ERICH6B: variants seen among roughly 807,000 people sequenced by gnomAD.
The protein encoded by ERICH6B is glutamate rich 6B.
In ERICH6B, 69 loss-of-function variants were observed where a neutral mutation model predicts 80.0. That is an observed-to-expected ratio of 0.86 (90% confidence interval 0.71 to 1.05). The LOEUF (loss-of-function observed/expected upper bound fraction) is 1.05. Ranked by LOEUF, ERICH6B falls within the 50% of genes least tolerant of loss-of-function variation. ERICH6B has a pLI of 0.00. For missense variants in ERICH6B, 754 were observed against 796.1 expected (o/e 0.95, Z 0.64); for synonymous variants, 283 against 291.9 (o/e 0.97, Z 0.31).
intron 9 of ERICH6B, among the ~76,000 whole-genome samples, chr13:45,566,833 G>T (rs1198391439): frequency 6.6e-6 from 1 of 152,164 alleles, no homozygotes; most frequent in African/African-American, 2.4e-5. Flanking sequence ...TGAGAAGAGG[G>T]CCACCGTCCT....
chr13:45,584,595 A>G (rs1315091465), intron 5 of ERICH6B, among the ~76,000 whole-genome samples: 1 of 152,182 alleles, frequency 6.6e-6, no homozygotes, highest in East Asian at 1.9e-4. Context: ...AAGAATGCAG[A>G]TTCCAGGATG....
chr13:45,577,301 T>TA (rs1251066981), intron 7 of ERICH6B, among the ~76,000 whole-genome samples: 2 of 138,152 alleles, frequency 1.4e-5, no homozygotes, highest in East Asian at 4.0e-4. Flanking sequence ...TTTTTTTTTT[T>TA]TGAGACGGAG....
intron 2 of ERICH6B, among the ~76,000 whole-genome samples, chr13:45,607,106 A>C (rs1949871798): frequency 6.6e-6 from 1 of 152,220 alleles, no homozygotes; most frequent in Non-Finnish European, 1.5e-5. Flanking sequence ...TGCAGCAAAC[A>C]TGTAAACTTT....
At chr13:45,610,931 G>T (rs1022374948) in intron 1 of ERICH6B, among the ~76,000 whole-genome samples, 2 of 151,530 alleles carry the variant, frequency 1.3e-5, no homozygotes, top group Non-Finnish European at 2.9e-5. Context: ...TCAAGGACAG[G>T]GGTTTCCTAT....
intron 11 of ERICH6B, among the ~76,000 whole-genome samples, chr13:45,554,741 CTG>C (rs1375833685): frequency 6.6e-6 from 1 of 152,212 alleles, no homozygotes; most frequent in African/African-American, 2.4e-5. Flanking sequence ...AGTAAAGAGA[CTG>C]TGTCTCTGGC....
chr13:45,598,359 G>A (rs950699347), intron 2 of ERICH6B, among the ~76,000 whole-genome samples: 12 of 152,188 alleles, frequency 7.9e-5, no homozygotes, highest in African/African-American at 2.9e-4. Flanking sequence ...CCAAGAAGAG[G>A]TGGCTCTACA....
In ERICH6B at chr13:45,565,854, C is replaced by T. The variant is rs189156526; in HGVS notation, c.1188-2066G>A. Among the ~76,000 whole-genome samples the T allele has an allele frequency of 7.0e-4, 106 of 152,222 alleles. 2 individuals are homozygous for T. The East Asian group carries it at 0.016, about 23-fold the overall frequency. On this transcript the variant is annotated intron_variant, in intron 9 of 14. Transcript: ENST00000298738. The stretch of plus-strand genomic sequence containing the variant: ...TGCTGCTCAAAGATACCTGAAAATG[C>T]GGAAGTGACTTTGGAACTAGGTAAC...
At chr13:45,573,678 A>T (rs1875266527) in intron 8 of ERICH6B, among the ~76,000 whole-genome samples, 1 of 152,206 alleles carries the variant, frequency 6.6e-6, no homozygotes, top group South Asian at 2.1e-4. Flanking sequence ...CACCTGTCCC[A>T]AGGAAAACTC....
chr13:45,553,164 G>A (rs1192280999), intron 11 of ERICH6B: 6 of 267,298 alleles, frequency 2.2e-5, no homozygotes, highest in South Asian at 3.8e-5. Context: ...ATTAGTCACC[G>A]TTTTTGACAC....
At chr13:45,612,020 T>C (rs1949902597) in intron 1 of ERICH6B, among the ~76,000 whole-genome samples, 1 of 152,252 alleles carries the variant, frequency 6.6e-6, no homozygotes, top group Non-Finnish European at 1.5e-5. Context: ...TTTTTTCTTC[T>C]GTGCTAAACT....
intron 13 of ERICH6B, among the ~76,000 whole-genome samples, 192 bp downstream of exon 13, chr13:45,549,701 C>T (rs772476488): frequency 8.5e-5 from 13 of 152,184 alleles, no homozygotes; most frequent in African/African-American, 2.9e-4. Flanking sequence ...GGAGGAGCAA[C>T]GGTGCAGGAA....
At chr13:45,553,314 CTAGGGG>C (rs1874300154) in intron 11 of ERICH6B, among the ~76,000 whole-genome samples, 1 of 152,132 alleles carries the variant, frequency 6.6e-6, no homozygotes, top group Non-Finnish European at 1.5e-5. Context: ...CCAGTTAAAT[CTAGGGG>C]TGGAGGGTTG....
rs2985940 is a variant in ERICH6B, at chr13:45,579,212, G to A, written c.961+721C>T. Among the ~76,000 whole-genome samples the A allele has an allele frequency of 8.5e-3, 1,296 of 152,288 alleles. 8 individuals are homozygous for A. Among genetic ancestry groups the A allele is most frequent in the Non-Finnish European group, 0.013 (907 of 68,022 alleles). On this transcript the variant is annotated intron_variant, in intron 7 of 14. Transcript: ENST00000298738. Reference sequence around the variant, plus strand: ...TGTTGATCAGTAGTACCTTTCTGGCGGTGCGATGGGTTGGGTGGGATGCCT... The same window carrying A: ...TGTTGATCAGTAGTACCTTTCTGGCAGTGCGATGGGTTGGGTGGGATGCCT...
At chr13:45,584,013 C>T (rs544402622) in intron 5 of ERICH6B, among the ~76,000 whole-genome samples, 11 of 152,308 alleles carry the variant, frequency 7.2e-5, no homozygotes, top group East Asian at 1.9e-4. Context: ...TCCTTTCCTA[C>T]GAAGACTGGT....
chr13:45,578,445 T>G (rs1441314620), intron 7 of ERICH6B, among the ~76,000 whole-genome samples: 1 of 152,246 alleles, frequency 6.6e-6, no homozygotes, highest in Non-Finnish European at 1.5e-5. Flanking sequence ...TTACTGTGCT[T>G]TAACAAATGT....
At chr13:45,562,821 C>G (rs1874743894) in intron 10 of ERICH6B, among the ~76,000 whole-genome samples, 1 of 152,180 alleles carries the variant, frequency 6.6e-6, no homozygotes, top group Non-Finnish European at 1.5e-5. Context: ...TCAGGAGAGG[C>G]AGGCAGGGCC....
intron 2 of ERICH6B, among the ~76,000 whole-genome samples, chr13:45,605,118 A>G (rs1410965387): frequency 6.6e-6 from 1 of 151,948 alleles, no homozygotes; most frequent in Non-Finnish European, 1.5e-5. Context: ...AACTTCCTGA[A>G]GCCCCTCCTC....
rs562477460 is a variant in ERICH6B, at chr13:45,559,044, T to G, written c.1407+2325A>C. Reference sequence around the variant, plus strand: ...TTTGAATGTCTGGTAGAATTTTTTTTGTTAGTAATTTTTAAAATTACCATT... The same window carrying G: ...TTTGAATGTCTGGTAGAATTTTTTTGGTTAGTAATTTTTAAAATTACCATT... On this transcript the variant is annotated intron_variant, in intron 11 of 14. Coordinates refer to ENST00000298738, the MANE Select transcript of ERICH6B (RefSeq NM_182542.3). 7.3e-4 allele frequency among the ~76,000 whole-genome samples: 111 copies of G among 151,938 alleles called. 2 individuals carry two copies. In the South Asian group the frequency reaches 0.022, roughly 30 times the overall value.
chr13:45,574,588 T>C (rs371957934), intron 8 of ERICH6B, among the ~76,000 whole-genome samples: 15 of 152,276 alleles, frequency 9.9e-5, no homozygotes, highest in African/African-American at 3.1e-4. Flanking sequence ...GAGGTTAGCA[T>C]CTGGAGTTTT....
Sources: allele counts gnomAD v4.1 joint callset (sites outside exome capture counted in the v4.1 genomes callset), GRCh38; gene constraint gnomAD v4.1.1; transcripts MANE v1.5; gene names NCBI Gene and HGNC (gene_info 2026-07-23, HGNC 2026-07-21).